The following NECAB1 variants were observed in gnomAD, a reference collection of about 807,000 sequenced individuals.
The protein encoded by NECAB1 is N-terminal EF-hand calcium-binding protein 1.
In NECAB1, 29 loss-of-function variants were observed where a neutral mutation model predicts 57.5. The observed-to-expected ratio is 0.50, with a 90% CI of 0.38 to 0.69. The LOEUF (loss-of-function observed/expected upper bound fraction) is 0.69, where lower values mean the gene tolerates loss of function less well. NECAB1 is among the 30% of genes least tolerant of loss of function. The pLI is 0.00. For synonymous variants in NECAB1, 142 were observed against 147.7 expected (o/e 0.96, Z 0.28); for missense variants, 372 against 413.8 (o/e 0.90, Z 0.88).
chr8:90,801,508 T>C (rs1286063655), intron 1 of NECAB1, among the ~76,000 whole-genome samples, 183 bp from the exon 2 acceptor site: 1 of 152,220 alleles, frequency 6.6e-6, no homozygotes, highest in African/African-American at 2.4e-5. Flanking sequence ...ACGGTTTGTT[T>C]ATCCATGGAC....
chr8:90,870,459 T>TA (rs907371750), intron 3 of NECAB1, among the ~76,000 whole-genome samples: 1 of 152,192 alleles, frequency 6.6e-6, no homozygotes. Flanking sequence ...ATGTTCTAAC[T>TA]AAAAAAACTA....
intron 5 of NECAB1, among the ~76,000 whole-genome samples, chr8:90,907,788 C>A (rs1809726969): frequency 6.6e-6 from 1 of 152,054 alleles, no homozygotes; most frequent in Admixed American, 6.5e-5. Context: ...TTATTCTGAG[C>A]AAGTTATCTA....
Position 90,794,205 on chromosome 8 carries a change from T to C in NECAB1, c.99+2220T>C, listed in dbSNP as rs561782224. Among the ~76,000 whole-genome samples the C allele has an allele frequency of 3.9e-5, 6 of 152,346 alleles. No individual in the cohort carries two copies. In the East Asian group the frequency reaches 1.2e-3, roughly 29 times the overall value. On this transcript the variant is annotated intron_variant, in intron 1 of 12. Coordinates refer to ENST00000417640, the MANE Select transcript of NECAB1 (RefSeq NM_022351.5). ...AAAAATCTAACACTGGTGAAATATG[T>C]GATATGAAAAATGATTTGTTACTTA...
intron 3 of NECAB1, among the ~76,000 whole-genome samples, chr8:90,825,488 G>A (rs1812209550): frequency 6.6e-6 from 1 of 151,848 alleles, no homozygotes; most frequent in South Asian, 2.1e-4. Context: ...AACCAAATCA[G>A]ATTATTTGTG....
At chr8:90,852,959 C>T (rs1219092392) in intron 3 of NECAB1, among the ~76,000 whole-genome samples, 1 of 152,246 alleles carries the variant, frequency 6.6e-6, no homozygotes, top group Non-Finnish European at 1.5e-5. Flanking sequence ...AGGGCAGCCA[C>T]CTCATGCGAA....
chr8:90,951,349 G>A (rs1810921903), intron 12 of NECAB1, 145 bp downstream of exon 12: 3 of 530,954 alleles, frequency 5.7e-6, no homozygotes, highest in Admixed American at 8.4e-5. Context: ...ATTTGAGATT[G>A]GGGGGAAGAA....
rs148774986 is a variant in NECAB1 at position 90,898,696 on chromosome 8, A to G, written c.357+17566A>G. Among the ~76,000 whole-genome samples, 263 of 152,304 alleles carry G rather than the reference A, an allele frequency of 1.7e-3. 1 individual carries two copies. The highest frequency in any genetic ancestry group is 6.1e-3 in the African/African-American group (252 of 41,560). On this transcript the variant is annotated intron_variant, in intron 5 of 12. Transcript: ENST00000417640. ...GTTTATTGAGAAAGAGACAGCTACT[A>G]TTTATTGAGCATAATACATGTTGAC...
chr8:90,941,212 T>C (rs1368133352), intron 10 of NECAB1, among the ~76,000 whole-genome samples: 2 of 152,226 alleles, frequency 1.3e-5, no homozygotes, highest in Non-Finnish European at 2.9e-5. Flanking sequence ...CCCTTTTGCA[T>C]CCAGGCAGCC....
At chr8:90,953,233 G>C (rs1810955385) in intron 12 of NECAB1, among the ~76,000 whole-genome samples, 1 of 152,200 alleles carries the variant, frequency 6.6e-6, no homozygotes, top group Non-Finnish European at 1.5e-5. Flanking sequence ...AATTATCAGT[G>C]AGGGGGAAAA....
intron 5 of NECAB1, among the ~76,000 whole-genome samples, chr8:90,910,368 T>A (rs564506189): frequency 6.6e-6 from 1 of 152,266 alleles, no homozygotes; most frequent in African/African-American, 2.4e-5. Context: ...GATTTGACCT[T>A]AATAATTTTT....
At chr8:90,863,020 G>A (rs1187239498) in intron 3 of NECAB1, among the ~76,000 whole-genome samples, 1 of 151,924 alleles carries the variant, frequency 6.6e-6, no homozygotes, top group Non-Finnish European at 1.5e-5. Context: ...ATCAGTATAT[G>A]TAAACCCCAG....
intron 4 of NECAB1, among the ~76,000 whole-genome samples, chr8:90,876,255 CAT>C (rs745474488): frequency 1.3e-5 from 2 of 152,202 alleles, no homozygotes; most frequent in East Asian, 1.9e-4. Flanking sequence ...TCCAGTGGCA[CAT>C]GTCACTGATG....
chr8:90,943,030 A>C (rs1012954211), intron 10 of NECAB1, among the ~76,000 whole-genome samples: 1 of 146,688 alleles, frequency 6.8e-6, no homozygotes, highest in African/African-American at 2.7e-5. Flanking sequence ...GATTGAGTGC[A>C]TGTTTTATAT....
At chr8:90,841,231 GC>G (rs1307281862) in intron 3 of NECAB1, among the ~76,000 whole-genome samples, 1 of 151,092 alleles carries the variant, frequency 6.6e-6, no homozygotes. Context: ...CTGCACTCCA[GC>G]CTAGGTGACA....
intron 2 of NECAB1, among the ~76,000 whole-genome samples, chr8:90,820,619 AGTT>A (rs1038901335): frequency 6.6e-6 from 1 of 151,702 alleles, no homozygotes; most frequent in Non-Finnish European, 1.5e-5. Flanking sequence ...TCAGAGCTCT[AGTT>A]GTTGTCATGT....
intron 5 of NECAB1, among the ~76,000 whole-genome samples, chr8:90,890,244 C>T (rs1008720815): frequency 2.0e-5 from 3 of 152,124 alleles, no homozygotes; most frequent in African/African-American, 7.2e-5. Context: ...TTCCTCCATG[C>T]TGTTCTCGTG....
chr8:90,958,416 C>G lies in NECAB1; in HGVS notation c.*2904C>G, dbSNP rs1022563786. ...TCTGCTAGTAATTATGAATTTAAGA[C>G]CATATTATTATCAAAAACCTAGAGA... On this transcript the variant is annotated 3_prime_UTR_variant, in exon 13 of 13. Transcript: ENST00000417640. 1 of 151,394 alleles carries G rather than the reference C, an allele frequency of 6.6e-6. No individual in the cohort carries two copies. The highest frequency in any genetic ancestry group is 1.5e-5 in the Non-Finnish European group (1 of 67,626). The allele number at this position is 151,394 out of a possible 1,614,324, so 9.4% of individuals were successfully genotyped here.
At chr8:90,812,363 GT>G (rs968365256) in intron 2 of NECAB1, among the ~76,000 whole-genome samples, 1 of 152,050 alleles carries the variant, frequency 6.6e-6, no homozygotes, top group Non-Finnish European at 1.5e-5. Flanking sequence ...AAATAGAAGT[GT>G]TTTTTTCTTA....
chr8:90,930,150 A>G (rs1810371593), intron 8 of NECAB1, among the ~76,000 whole-genome samples: 1 of 152,236 alleles, frequency 6.6e-6, no homozygotes, highest in Admixed American at 6.5e-5. Flanking sequence ...AGCTCAGAAA[A>G]TGGCATTGAA....
Sources: allele counts gnomAD v4.1 joint callset (sites outside exome capture counted in the v4.1 genomes callset), GRCh38; gene constraint gnomAD v4.1.1; transcripts MANE v1.5; gene names NCBI Gene and HGNC (gene_info 2026-07-23, HGNC 2026-07-21).